Variants in MAML3 observed in about 807,000 individuals in gnomAD.
The protein encoded by MAML3 is mastermind-like protein 3.
A neutral mutation model predicts 101.9 loss-of-function variants in MAML3; 27 were observed. The ratio of observed to expected loss-of-function variants is 0.27; its 90% confidence interval spans 0.20 to 0.37. MAML3 has a LOEUF of 0.37. Among genes scored for constraint, MAML3 ranks in the 10% least tolerant of loss-of-function variants. The pLI is 1.00. For synonymous variants in MAML3, 501 were observed against 555.9 expected, an observed-to-expected ratio of 0.90 and a Z score of 1.39; for missense variants, 1,316 against 1,444.9, an observed-to-expected ratio of 0.91 and a Z score of 1.45.
intron 1 of MAML3, among the ~76,000 whole-genome samples, chr4:140,120,496 G>A (rs1376732882): frequency 6.6e-6 from 1 of 152,184 alleles, no homozygotes; most frequent in Admixed American, 6.5e-5. Context: ...AACTGCAAAT[G>A]TGCCTGATGT....
intron 1 of MAML3, among the ~76,000 whole-genome samples, chr4:140,104,403 TATATA>T (rs1560894782): frequency 1.2e-5 from 1 of 84,196 alleles, no homozygotes; most frequent in Non-Finnish European, 2.6e-5. Flanking sequence ...TATTATATAA[TATATA>T]ATATAATATA....
intron 2 of MAML3, among the ~76,000 whole-genome samples, chr4:139,821,568 C>G (rs954209399): frequency 6.6e-6 from 1 of 152,204 alleles, no homozygotes; most frequent in Non-Finnish European, 1.5e-5. Flanking sequence ...TATTAGGCAG[C>G]AAGCTAACCT....
intron 2 of MAML3, among the ~76,000 whole-genome samples, chr4:139,739,818 C>G (rs1206176081): frequency 6.7e-6 from 1 of 148,950 alleles, no homozygotes; most frequent in Non-Finnish European, 1.5e-5. Flanking sequence ...TATACTTTTT[C>G]AAATTTTATA....
chr4:139,739,679 G>GTTTT (rs1553952725), intron 2 of MAML3, among the ~76,000 whole-genome samples: 23 of 132,246 alleles, frequency 1.7e-4, no homozygotes, highest in East Asian at 4.6e-4. Flanking sequence ...GAGGAAAGCA[G>GTTTT]TTTTTTTTTT....
chr4:139,989,986 G>C (rs146332826), intron 1 of MAML3, among the ~76,000 whole-genome samples: 576 of 151,566 alleles, frequency 3.8e-3, no homozygotes, highest in Middle Eastern at 0.017. Context: ...TATATTGTCA[G>C]GTAAAAGAAA....
intron 1 of MAML3, among the ~76,000 whole-genome samples, chr4:139,895,695 A>G (rs1732593694): frequency 6.6e-6 from 1 of 152,214 alleles, no homozygotes; most frequent in Non-Finnish European, 1.5e-5. Flanking sequence ...AATGTTTTCT[A>G]AGCATCTGAT....
chr4:139,914,936 A>G (rs1266039394), intron 1 of MAML3, among the ~76,000 whole-genome samples: 3 of 152,198 alleles, frequency 2.0e-5, no homozygotes, highest in Non-Finnish European at 2.9e-5. Flanking sequence ...AGATGAGCCA[A>G]CTTGAATATC....
chr4:139,943,865 T>C (rs915000004), intron 1 of MAML3, among the ~76,000 whole-genome samples: 5 of 39,230 alleles, frequency 1.3e-4, no homozygotes, highest in African/African-American at 2.6e-4. Context: ...TAAAGACAAC[T>C]TTTTTTTTTT....
chr4:139,830,995 G>C (rs564860255), intron 2 of MAML3, among the ~76,000 whole-genome samples: 7 of 152,104 alleles, frequency 4.6e-5, no homozygotes, highest in Non-Finnish European at 8.8e-5. Flanking sequence ...AGGGCATATT[G>C]GGTACTCCAC....
At chr4:139,724,264 CA>C (rs1313388812) in intron 4 of MAML3, among the ~76,000 whole-genome samples, 7 of 152,164 alleles carry the variant, frequency 4.6e-5, no homozygotes, top group Non-Finnish European at 1.0e-4. Flanking sequence ...CAGTAAATAT[CA>C]ATGGCTTTCA....
intron 1 of MAML3, among the ~76,000 whole-genome samples, chr4:140,066,795 C>G (rs150571419): frequency 6.6e-6 from 1 of 152,224 alleles, no homozygotes; most frequent in Non-Finnish European, 1.5e-5. Context: ...CCACCAACTG[C>G]TGCTTCCTTT....
At chr4:139,923,683 T>C (rs563608310) in intron 1 of MAML3, among the ~76,000 whole-genome samples, 3 of 152,162 alleles carry the variant, frequency 2.0e-5, no homozygotes, top group Non-Finnish European at 4.4e-5. Context: ...TTAAAGACTT[T>C]AAACCTCTGT....
rs1727999775 is a variant in MAML3 at position 139,717,030 on chromosome 4, A to T, written c.*2293T>A. 6.6e-6 allele frequency: 1 copy of T among 152,556 alleles called. No individual in the cohort carries two copies. The highest frequency in any genetic ancestry group is 1.5e-5 in the Non-Finnish European group (1 of 68,024). The allele number at this position is 152,556 out of a possible 1,614,324, so 9.5% of individuals were successfully genotyped here. ...ATGAAATAAAAATACTCTATTTTAAACAAACAGTATATATATATTTATATG... is the reference window on the plus strand; with the variant it reads ...ATGAAATAAAAATACTCTATTTTAATCAAACAGTATATATATATTTATATG... On this transcript the variant is annotated 3_prime_UTR_variant, in exon 5 of 5. Transcript: ENST00000509479.
chr4:139,904,730 T>G (rs1560831540), intron 1 of MAML3, among the ~76,000 whole-genome samples: 1 of 150,812 alleles, frequency 6.6e-6, no homozygotes, highest in Non-Finnish European at 1.5e-5. Context: ...CTAAGAAATG[T>G]GTTAAGTGAT....
At chr4:140,121,165 A>G (rs28709487) in intron 1 of MAML3, among the ~76,000 whole-genome samples, 5,768 of 152,240 alleles carry the variant, frequency 0.038, 334 homozygotes, top group African/African-American at 0.12. Context: ...AAGCTTTGGG[A>G]TTGTTTTTAT....
intron 2 of MAML3, among the ~76,000 whole-genome samples, chr4:139,878,933 A>G (rs1379328620): frequency 2.0e-5 from 3 of 152,176 alleles, no homozygotes; most frequent in African/African-American, 7.2e-5. Context: ...GCCTGGCACT[A>G]TAAGACTGTG....
At chr4:140,050,241 C>T (rs1011177972) in intron 1 of MAML3, among the ~76,000 whole-genome samples, 5 of 152,106 alleles carry the variant, frequency 3.3e-5, no homozygotes, top group Non-Finnish European at 7.4e-5. Flanking sequence ...ATCTCACCTA[C>T]TTATCCATCC....
intron 1 of MAML3, among the ~76,000 whole-genome samples, chr4:140,071,347 T>A (rs1045481573): frequency 1.1e-4 from 17 of 152,128 alleles, no homozygotes; most frequent in Admixed American, 6.6e-4. Context: ...AGGAAATGGA[T>A]CTCCAGAAGA....
chr4:139,761,424 G>C (rs906015053), intron 2 of MAML3, among the ~76,000 whole-genome samples: 1 of 152,178 alleles, frequency 6.6e-6, no homozygotes, highest in Non-Finnish European at 1.5e-5. Flanking sequence ...TTTCACAGTT[G>C]TTCCCCTTCT....
Sources: allele counts gnomAD v4.1 joint callset (sites outside exome capture counted in the v4.1 genomes callset), GRCh38; gene constraint gnomAD v4.1.1; transcripts MANE v1.5; gene names NCBI Gene and HGNC (gene_info 2026-07-23, HGNC 2026-07-21).